Variants in ST18 observed in about 807,000 individuals in gnomAD.
The protein encoded by ST18 is suppression of tumorigenicity 18 protein.
A neutral mutation model predicts 110.0 loss-of-function variants in ST18; 50 were observed. That is an observed-to-expected ratio of 0.45 (90% CI 0.36 to 0.58). The LOEUF (loss-of-function observed/expected upper bound fraction) is 0.58. Among genes scored for constraint, ST18 ranks in the 20% least tolerant of loss-of-function variants. The pLI is 0.00. For synonymous variants in ST18, 461 were observed against 452.4 expected, an observed-to-expected ratio of 1.02 and a Z score of -0.24; for missense variants, 1,306 against 1,280.1, an observed-to-expected ratio of 1.02 and a Z score of -0.31.
At chr8:52,268,515 C>CTATT (rs1253314971) in intron 2 of ST18, among the ~76,000 whole-genome samples, 21 of 137,560 alleles carry the variant, frequency 1.5e-4, no homozygotes, top group Admixed American at 9.8e-4. Flanking sequence ...ATCTATTTAT[C>CTATT]TATCTATCTT....
At chr8:52,139,063 C>T (rs968422882) in intron 17 of ST18, among the ~76,000 whole-genome samples, 2 of 151,946 alleles carry the variant, frequency 1.3e-5, no homozygotes, top group Admixed American at 6.6e-5. Context: ...CATCTATCTC[C>T]TTTCCCCATC....
At chr8:52,224,765 T>C (rs563020370) in intron 3 of ST18, among the ~76,000 whole-genome samples, 5 of 152,330 alleles carry the variant, frequency 3.3e-5, no homozygotes, top group Non-Finnish European at 5.9e-5. Context: ...CTTTTAACAT[T>C]TTTCGCTTCC....
At chr8:52,276,332 AC>A (rs2095264185) in intron 2 of ST18, among the ~76,000 whole-genome samples, 1 of 147,984 alleles carries the variant, frequency 6.8e-6, no homozygotes, top group Non-Finnish European at 1.5e-5. Context: ...ACCGCACCTC[AC>A]ACATACACAT....
chr8:52,317,203 G>A (rs1423810408), intron 2 of ST18, among the ~76,000 whole-genome samples: 1 of 152,200 alleles, frequency 6.6e-6, no homozygotes, highest in Non-Finnish European at 1.5e-5. Context: ...TTTGAAAAGA[G>A]TCTTTACAGA....
At chr8:52,379,764 C>T (rs1234458788) in intron 2 of ST18, among the ~76,000 whole-genome samples, 1 of 152,108 alleles carries the variant, frequency 6.6e-6, no homozygotes, top group African/African-American at 2.4e-5. Context: ...CCATACATGG[C>T]ATCATTCACA....
rs116637213 is a variant in ST18 at position 52,231,166 on chromosome 8, T to C, written c.-464-1089A>G. 2.4e-3 allele frequency among the ~76,000 whole-genome samples: 371 copies of C among 152,348 alleles called. 1 individual carries two copies. Among genetic ancestry groups the C allele is most frequent in the African/African-American group, 8.2e-3 (339 of 41,584 alleles). On this transcript the variant is annotated intron_variant, in intron 2 of 25. Coordinates refer to ENST00000689386, the MANE Select transcript of ST18 (RefSeq NM_001352837.2). ...ATATGTATGTGTATGTATGCATATA[T>C]ATACAATTTATTACCCAGATAATAG...
At chr8:52,310,902 G>C (rs115327526) in intron 2 of ST18, among the ~76,000 whole-genome samples, 2,579 of 143,432 alleles carry the variant, frequency 0.018, 66 homozygotes, top group African/African-American at 0.061. Context: ...GGGTGGGCTG[G>C]GTGCCACTGG....
chr8:52,387,958 C>T (rs1356586990), intron 2 of ST18, among the ~76,000 whole-genome samples: 2 of 151,146 alleles, frequency 1.3e-5, no homozygotes, highest in Non-Finnish European at 2.9e-5. Flanking sequence ...CCCTCCCCAC[C>T]CCCCCGCCCC....
chr8:52,116,729 C>T (rs866387194), intron 24 of ST18, among the ~76,000 whole-genome samples: 1 of 152,156 alleles, frequency 6.6e-6, no homozygotes, highest in Admixed American at 6.6e-5. Context: ...TTGCTCCATC[C>T]GCTGTCTCCC....
chr8:52,115,392 G>C (rs1385321745), intron 25 of ST18, among the ~76,000 whole-genome samples: 1 of 152,150 alleles, frequency 6.6e-6, no homozygotes, highest in African/African-American at 2.4e-5. Context: ...TCCAAATACA[G>C]TCATGCAATG....
intron 2 of ST18, among the ~76,000 whole-genome samples, chr8:52,368,373 C>T (rs1828972747): frequency 6.6e-6 from 1 of 152,166 alleles, no homozygotes; most frequent in South Asian, 2.1e-4. Flanking sequence ...AGAAATGTTA[C>T]AACCCAAAAA....
chr8:52,169,483 G>A (rs966862915), intron 10 of ST18, among the ~76,000 whole-genome samples: 4 of 152,108 alleles, frequency 2.6e-5, no homozygotes, highest in Non-Finnish European at 5.9e-5. Flanking sequence ...ACTAATTTTA[G>A]AATTGCTGAC....
chr8:52,230,272 T>C (rs1020568910), intron 2 of ST18, among the ~76,000 whole-genome samples, 195 bp from the exon 3 acceptor site: 16 of 152,218 alleles, frequency 1.1e-4, no homozygotes, highest in African/African-American at 3.4e-4. Context: ...GAACTCTGTC[T>C]TAACAAGAAA....
At chr8:52,116,178 TCTC>T in intron 25 of ST18, 94 bp downstream of exon 25, 1 of 1,407,736 alleles carries the variant, frequency 7.1e-7, no homozygotes, top group Non-Finnish European at 9.6e-7. Context: ...TGCTCACAGG[TCTC>T]CTCAAAGCTC....
chr8:52,144,559 T>C (rs1485265516), intron 16 of ST18, among the ~76,000 whole-genome samples: 2 of 152,142 alleles, frequency 1.3e-5, no homozygotes, highest in East Asian at 1.9e-4. Context: ...CTGTAGTAAA[T>C]ACATTGGTAC....
At chr8:52,392,477 A>G (rs1218970975) in intron 2 of ST18, among the ~76,000 whole-genome samples, 1 of 152,156 alleles carries the variant, frequency 6.6e-6, no homozygotes, top group Non-Finnish European at 1.5e-5. Flanking sequence ...AAGAATAGGG[A>G]AGACATTGCC....
intron 2 of ST18, among the ~76,000 whole-genome samples, chr8:52,283,874 G>A (rs2095426741): frequency 1.3e-5 from 2 of 152,262 alleles, no homozygotes; most frequent in African/African-American, 4.8e-5. Context: ...AGGAAGCACG[G>A]GAGGTTTAAG....
At chr8:52,318,136 CA>C (rs2096062517) in intron 2 of ST18, among the ~76,000 whole-genome samples, 1 of 151,968 alleles carries the variant, frequency 6.6e-6, no homozygotes, top group African/African-American at 2.4e-5. Context: ...ATGCATCTAA[CA>C]AAGCCTAATA....
intron 19 of ST18, among the ~76,000 whole-genome samples, chr8:52,135,944 T>G (rs894569768): frequency 6.6e-6 from 1 of 152,204 alleles, no homozygotes; most frequent in Non-Finnish European, 1.5e-5. Context: ...TTAATCCTAT[T>G]TCTTTATCTT....
Sources: gnomAD v4.1 joint callset for allele counts (sites outside exome capture counted in the v4.1 genomes callset) on GRCh38, gnomAD v4.1.1 for gene constraint, MANE v1.5 for transcripts, NCBI Gene and HGNC (gene_info 2026-07-23, HGNC 2026-07-21) for gene names.